The following CNTN5 variants were observed in gnomAD, a reference collection of about 807,000 sequenced individuals.
The protein encoded by CNTN5 is contactin-5.
A neutral mutation model predicts 129.1 loss-of-function variants in CNTN5; 77 were observed. The observed-to-expected ratio is 0.60, with a 90% confidence interval of 0.50 to 0.72. The LOEUF (loss-of-function observed/expected upper bound fraction) is 0.72, where lower values mean the gene tolerates loss of function less well. CNTN5 is among the 30% of genes least tolerant of loss of function. The probability of loss-of-function intolerance (pLI) is 0.00; values close to 1 mark genes in which losing one functional copy is unlikely to be tolerated. For synonymous variants in CNTN5, 509 were observed against 465.6 expected (o/e 1.09, Z -1.20); for missense variants, 1,478 against 1,328.8 (o/e 1.11, Z -1.75).
chr11:99,538,727 A>G (rs552553794), intron 2 of CNTN5, among the ~76,000 whole-genome samples: 2 of 152,240 alleles, frequency 1.3e-5, no homozygotes, highest in Non-Finnish European at 2.9e-5. Flanking sequence ...ATCTGCTGCA[A>G]TCACTGTTTT....
At chr11:99,146,476 T>C (rs1034936889) in intron 1 of CNTN5, among the ~76,000 whole-genome samples, 21 of 152,202 alleles carry the variant, frequency 1.4e-4, no homozygotes, top group African/African-American at 5.1e-4. Context: ...ACCATATATA[T>C]ATTAAGTCAA....
chr11:100,338,789 G>C (rs187306221), intron 21 of CNTN5, among the ~76,000 whole-genome samples: 2 of 151,418 alleles, frequency 1.3e-5, no homozygotes, highest in African/African-American at 4.9e-5. Context: ...TGCCCAGGTG[G>C]TGCTAGGTGC....
intron 1 of CNTN5, among the ~76,000 whole-genome samples, chr11:99,272,987 A>G (rs370580862): frequency 5.9e-5 from 9 of 151,998 alleles, no homozygotes; most frequent in African/African-American, 1.7e-4. Flanking sequence ...TTACATTTCT[A>G]ACAGAGACAC....
intron 1 of CNTN5, among the ~76,000 whole-genome samples, chr11:99,087,227 A>T (rs1021621521): frequency 6.6e-6 from 1 of 152,224 alleles, no homozygotes; most frequent in African/African-American, 2.4e-5. Flanking sequence ...GCTCTTAAAG[A>T]ACAGAGAGGA....
chr11:100,061,874 G>A, intron 10 of CNTN5, among the ~76,000 whole-genome samples: 1 of 152,168 alleles, frequency 6.6e-6, no homozygotes, highest in East Asian at 1.9e-4. Flanking sequence ...ACAGAGACCA[G>A]CTGACTTGCA....
At chr11:99,213,488 A>G (rs1322701448) in intron 1 of CNTN5, among the ~76,000 whole-genome samples, 1 of 147,016 alleles carries the variant, frequency 6.8e-6, no homozygotes, top group South Asian at 2.1e-4. Context: ...ACACACATAT[A>G]TATATATATA....
At chr11:99,137,073 A>G (rs556928375) in intron 1 of CNTN5, among the ~76,000 whole-genome samples, 6 of 152,316 alleles carry the variant, frequency 3.9e-5, no homozygotes, top group African/African-American at 1.4e-4. Flanking sequence ...AAAAATGATT[A>G]TGCTATATAA....
chr11:99,980,348 G>A (rs76029624), intron 8 of CNTN5, among the ~76,000 whole-genome samples: 10,648 of 152,206 alleles, frequency 0.07, 768 homozygotes, highest in East Asian at 0.31. Context: ...ACTTATTTAA[G>A]CCTGTGAAAC....
intron 1 of CNTN5, among the ~76,000 whole-genome samples, chr11:99,055,694 T>C (rs1198271698): frequency 6.6e-6 from 1 of 152,010 alleles, no homozygotes; most frequent in Non-Finnish European, 1.5e-5. Flanking sequence ...ATATTCATAA[T>C]CATTTTATAA....
chr11:99,663,271 C>G (rs1219007710), intron 3 of CNTN5, among the ~76,000 whole-genome samples: 1 of 152,102 alleles, frequency 6.6e-6, no homozygotes, highest in Non-Finnish European at 1.5e-5. Flanking sequence ...AGTTCGAGAC[C>G]AGCCTGGCCA....
chr11:99,477,203 G>C (rs971752821), intron 2 of CNTN5, among the ~76,000 whole-genome samples: 1 of 151,768 alleles, frequency 6.6e-6, no homozygotes, highest in African/African-American at 2.4e-5. Context: ...TAGTTGTTTT[G>C]TTTAGGAAAA....
chr11:100,204,183 G>A (rs1948855327), intron 15 of CNTN5, among the ~76,000 whole-genome samples: 1 of 149,152 alleles, frequency 6.7e-6, no homozygotes, highest in African/African-American at 2.5e-5. Context: ...AGTACCTGGT[G>A]CACAGTAAAG....
intron 2 of CNTN5, among the ~76,000 whole-genome samples, chr11:99,540,958 T>C (rs775672762): frequency 2.6e-5 from 4 of 152,098 alleles, no homozygotes; most frequent in Non-Finnish European, 5.9e-5. Flanking sequence ...CCAGTAATAC[T>C]ACGTTAAAAA....
At position 99,112,490 on chromosome 11, in the gene CNTN5, T is replaced by G. The variant is rs183643711; in HGVS notation, c.-210+91220T>G. 2.0e-3 allele frequency among the ~76,000 whole-genome samples: 307 copies of G among 152,208 alleles called. 1 individual carries two copies. The highest frequency in any genetic ancestry group is 6.8e-3 in the African/African-American group (281 of 41,568). On this transcript the variant is annotated intron_variant, in intron 1 of 24. Coordinates refer to ENST00000524871, the MANE Select transcript of CNTN5 (RefSeq NM_014361.4). ...AAAAATAATTTTAATACGAGTTTTC[T>G]ATTACAGAATGAATTAACAAGGCTA...
In CNTN5 at chr11:99,431,199, G is replaced by T. The variant is rs117992669; in HGVS notation, c.-71+105715G>T. 5.8e-3 allele frequency among the ~76,000 whole-genome samples: 883 copies of T among 152,188 alleles called. 10 individuals carry two copies. The highest frequency in any genetic ancestry group is 0.024 in the Middle Eastern group (7 of 294). The stretch of plus-strand genomic sequence containing the variant: ...TTATTTAGAGCTCTGATGGTAAGGA[G>T]AAATTAAGACCAGCTTGTTGTCAGT... On this transcript the variant is annotated intron_variant, in intron 2 of 24. Coordinates refer to ENST00000524871, the MANE Select transcript of CNTN5 (RefSeq NM_014361.4).
At chr11:100,091,800 C>T (rs1944797870) in intron 13 of CNTN5, among the ~76,000 whole-genome samples, 1 of 151,868 alleles carries the variant, frequency 6.6e-6, no homozygotes, top group South Asian at 2.1e-4. Flanking sequence ...ATTCAGTGAC[C>T]CCAGAGCCTA....
chr11:99,644,485 T>C (rs1951878259), intron 3 of CNTN5, among the ~76,000 whole-genome samples: 1 of 152,186 alleles, frequency 6.6e-6, no homozygotes, highest in East Asian at 1.9e-4. Context: ...TCTTCCTATC[T>C]ATAGGATTTC....
At chr11:99,998,821 G>A (rs1312049399) in intron 8 of CNTN5, among the ~76,000 whole-genome samples, 1 of 150,928 alleles carries the variant, frequency 6.6e-6, no homozygotes, top group African/African-American at 2.4e-5. Flanking sequence ...TAGACCAATG[G>A]AACAGAACAG....
At chr11:99,261,039 T>G (rs956142526) in intron 1 of CNTN5, among the ~76,000 whole-genome samples, 4 of 151,916 alleles carry the variant, frequency 2.6e-5, no homozygotes, top group African/African-American at 9.7e-5. Flanking sequence ...CTTTTTCAAT[T>G]GTCAAAACTT....
Sources: gnomAD v4.1 joint callset for allele counts (sites outside exome capture counted in the v4.1 genomes callset) on GRCh38, gnomAD v4.1.1 for gene constraint, MANE v1.5 for transcripts, NCBI Gene and HGNC (gene_info 2026-07-23, HGNC 2026-07-21) for gene names.